Variants in RAP1A observed in about 807,000 individuals in gnomAD.
RAP1A encodes the protein RAP1A, member of RAS oncogene family.
In RAP1A, 6 loss-of-function variants were observed where a neutral mutation model predicts 26.4. The observed-to-expected ratio is 0.23, with a 90% CI of 0.12 to 0.45. The LOEUF (loss-of-function observed/expected upper bound fraction) is 0.45. Ranked by LOEUF, RAP1A falls within the 20% of genes least tolerant of loss-of-function variation. The probability of loss-of-function intolerance (pLI) is 0.99; values close to 1 mark genes in which losing one functional copy is unlikely to be tolerated. For missense variants in RAP1A, 121 were observed against 217.2 expected (o/e 0.56, Z 2.78); for synonymous variants, 73 against 79.4 (o/e 0.92, Z 0.43).
intron 4 of RAP1A, among the ~76,000 whole-genome samples, chr1:111,702,874 A>G (rs1662065873): frequency 6.6e-6 from 1 of 152,170 alleles, no homozygotes; most frequent in Non-Finnish European, 1.5e-5. Flanking sequence ...ACAAGCTCTT[A>G]TAAAGAGTTT....
intron 1 of RAP1A, among the ~76,000 whole-genome samples, chr1:111,653,287 T>C (rs1660333348): frequency 6.6e-6 from 1 of 151,244 alleles, no homozygotes; most frequent in Admixed American, 6.6e-5. Flanking sequence ...CATGGATATG[T>C]TTTTTTTTGG....
chr1:111,550,124 A>T (rs1386579302), intron 1 of RAP1A, among the ~76,000 whole-genome samples: 2 of 152,164 alleles, frequency 1.3e-5, no homozygotes, highest in African/African-American at 4.8e-5. Flanking sequence ...GCAATTGCTC[A>T]TAGTATTGCC....
chr1:111,548,899 C>G (rs1301871215), intron 1 of RAP1A, among the ~76,000 whole-genome samples: 1 of 152,194 alleles, frequency 6.6e-6, no homozygotes, highest in Non-Finnish European at 1.5e-5. Context: ...TGTTTTCAAA[C>G]TGATGCCTTA....
chr1:111,579,500 G>T (rs1557856693), intron 1 of RAP1A, among the ~76,000 whole-genome samples: 1 of 152,144 alleles, frequency 6.6e-6, no homozygotes, highest in Non-Finnish European at 1.5e-5. Context: ...TAACACTGAG[G>T]TTTGCTGCTC....
chr1:111,550,034 T>G (rs1160304195), intron 1 of RAP1A, among the ~76,000 whole-genome samples: 1 of 152,162 alleles, frequency 6.6e-6, no homozygotes, highest in Non-Finnish European at 1.5e-5. Context: ...GACTTTCTAG[T>G]CTTTCTTGAG....
intron 1 of RAP1A, among the ~76,000 whole-genome samples, chr1:111,623,145 G>A (rs1346008826): frequency 6.6e-6 from 1 of 151,142 alleles, no homozygotes; most frequent in East Asian, 1.9e-4. Context: ...AGCCTCCCCA[G>A]TAGCTGGGAT....
chr1:111,542,182 A>C (rs1309471349), upstream of RAP1A: 2 of 497,616 alleles, frequency 4.0e-6, no homozygotes, highest in Non-Finnish European at 8.0e-6. Context: ...TAATCCTTTG[A>C]AGGAAGATCG....
At chr1:111,550,196 C>T (rs1035730048) in intron 1 of RAP1A, among the ~76,000 whole-genome samples, 7 of 152,098 alleles carry the variant, frequency 4.6e-5, no homozygotes, top group East Asian at 1.9e-4. Context: ...TCCTGATTTT[C>T]GTAATTTCAG....
At chr1:111,563,940 G>A in intron 1 of RAP1A, 1 of 1,613,542 alleles carries the variant, frequency 6.2e-7, no homozygotes, top group Non-Finnish European at 8.5e-7. Flanking sequence ...GGTCCTGCTG[G>A]AGACCCTTCC....
chr1:111,600,531 G>A (rs1343573245), intron 1 of RAP1A, among the ~76,000 whole-genome samples: 1 of 152,156 alleles, frequency 6.6e-6, no homozygotes, highest in Non-Finnish European at 1.5e-5. Flanking sequence ...CCTCTCCAGC[G>A]TTCTGCCTGA....
At chr1:111,567,889 A>T (rs1657959202) in intron 1 of RAP1A, among the ~76,000 whole-genome samples, 1 of 152,218 alleles carries the variant, frequency 6.6e-6, no homozygotes, top group Non-Finnish European at 1.5e-5. Flanking sequence ...ATGAAAAAAT[A>T]AATTTCTGTT....
At chr1:111,628,665 A>G (rs1659474690) in intron 1 of RAP1A, among the ~76,000 whole-genome samples, 2 of 152,138 alleles carry the variant, frequency 1.3e-5, no homozygotes, top group Non-Finnish European at 2.9e-5. Context: ...CAGGTAAGGT[A>G]AGATCTGAGG....
At chr1:111,630,856 T>C (rs1485718607) in intron 1 of RAP1A, among the ~76,000 whole-genome samples, 2 of 152,202 alleles carry the variant, frequency 1.3e-5, no homozygotes, top group Non-Finnish European at 2.9e-5. Context: ...TATTTCTCTT[T>C]ATGGGTAAAT....
At chr1:111,630,333 C>A (rs1429493551) in intron 1 of RAP1A, among the ~76,000 whole-genome samples, 4 of 152,114 alleles carry the variant, frequency 2.6e-5, no homozygotes, top group African/African-American at 4.8e-5. Flanking sequence ...ACTAAGAAAT[C>A]ATTCCCTACA....
intron 1 of RAP1A, among the ~76,000 whole-genome samples, chr1:111,584,972 C>T (rs1172886075): frequency 6.6e-6 from 1 of 152,200 alleles, no homozygotes; most frequent in Non-Finnish European, 1.5e-5. Context: ...TTTTCACACC[C>T]TTTACTGTAT....
At chr1:111,602,597 T>A (rs1056360256) in intron 1 of RAP1A, among the ~76,000 whole-genome samples, 10 of 152,262 alleles carry the variant, frequency 6.6e-5, no homozygotes, top group African/African-American at 2.4e-4. Flanking sequence ...ATCATGAAGA[T>A]GATGGGAGGA....
At chr1:111,671,368 TTC>T in intron 1 of RAP1A, among the ~76,000 whole-genome samples, 1 of 152,346 alleles carries the variant, frequency 6.6e-6, no homozygotes, top group Non-Finnish European at 1.5e-5. Flanking sequence ...ATTTCAGGAA[TTC>T]TGTTGTTTTT....
intron 1 of RAP1A, among the ~76,000 whole-genome samples, chr1:111,653,053 C>T (rs1660325067): frequency 6.6e-6 from 1 of 152,118 alleles, no homozygotes; most frequent in Admixed American, 6.5e-5. Context: ...GTGATATAGC[C>T]ATACAATGGA....
intron 1 of RAP1A, among the ~76,000 whole-genome samples, chr1:111,597,910 G>A (rs72983180): frequency 0.011 from 1,723 of 152,232 alleles, 24 homozygotes; most frequent in African/African-American, 0.039. Context: ...AAGACTCCTC[G>A]TTGAGAACAT....
Sources: allele counts gnomAD v4.1 joint callset (sites outside exome capture counted in the v4.1 genomes callset), GRCh38; gene constraint gnomAD v4.1.1; transcripts MANE v1.5; gene names NCBI Gene and HGNC (gene_info 2026-07-23, HGNC 2026-07-21).